AFF3: variants seen among roughly 807,000 people sequenced by gnomAD.
The protein encoded by AFF3 is ALF transcription elongation factor 3, also known as AF4/FMR2 family member 3.
A neutral mutation model predicts 129.7 loss-of-function variants in AFF3; 32 were observed. The ratio of observed to expected loss-of-function variants is 0.25; its 90% CI spans 0.19 to 0.33. The LOEUF (loss-of-function observed/expected upper bound fraction) is 0.33. Ranked by LOEUF, AFF3 falls within the 10% of genes least tolerant of loss-of-function variation. The probability of loss-of-function intolerance (pLI) is 1.00; values close to 1 mark genes in which losing one functional copy is unlikely to be tolerated. For missense variants in AFF3, 1,373 were observed against 1,592.0 expected, an observed-to-expected ratio of 0.86 and a Z score of 2.34; for synonymous variants, 644 against 635.4, an observed-to-expected ratio of 1.01 and a Z score of -0.20.
In AFF3 at chr2:99,547,633, A is replaced by G. The variant is rs1350417200; in HGVS notation, c.*3841T>C. 4.8e-6 allele frequency: 1 copy of G among 208,846 alleles called. No individual in the cohort carries two copies. Among genetic ancestry groups the G allele is most frequent in the East Asian group, 7.3e-5 (1 of 13,660 alleles). The allele number at this position is 208,846 out of a possible 1,614,324, so 12.9% of individuals were successfully genotyped here. ...ATAAATAATGTTGGCTGCACTGATT[A>G]ATTTTATAACAATTACTGCACTTCC... On this transcript the variant is annotated 3_prime_UTR_variant, in exon 25 of 25. Transcript: ENST00000672756.
At chr2:99,650,796 A>ATGCGTGTGTG (rs1553417669) in intron 12 of AFF3, among the ~76,000 whole-genome samples, 87 of 144,832 alleles carry the variant, frequency 6.0e-4, no homozygotes, top group Non-Finnish European at 1.0e-3. Context: ...ACTAAAATTA[A>ATGCGTGTGTG]TGTGTGTGTG....
At chr2:99,745,667 T>C (rs568426353) in intron 9 of AFF3, among the ~76,000 whole-genome samples, 2 of 152,342 alleles carry the variant, frequency 1.3e-5, no homozygotes, top group African/African-American at 2.4e-5. Flanking sequence ...TAAACAACTG[T>C]TGTCAATCTC....
At chr2:99,659,673 T>C (rs1020287246) in intron 12 of AFF3, among the ~76,000 whole-genome samples, 27 of 152,136 alleles carry the variant, frequency 1.8e-4, no homozygotes, top group Non-Finnish European at 3.1e-4. Flanking sequence ...TTGGTGGAAT[T>C]TAATGCAGAA....
intron 4 of AFF3, among the ~76,000 whole-genome samples, chr2:100,074,788 C>A (rs370099464): frequency 6.6e-6 from 1 of 152,124 alleles, no homozygotes; most frequent in Non-Finnish European, 1.5e-5. Flanking sequence ...ATGGACAAAG[C>A]CCCAGCCGAG....
intron 13 of AFF3, among the ~76,000 whole-genome samples, chr2:99,632,594 G>C (rs1193838027): frequency 6.6e-6 from 1 of 152,142 alleles, no homozygotes; most frequent in Non-Finnish European, 1.5e-5. Flanking sequence ...GGCTTCGTTG[G>C]AGAGCAGAAT....
At chr2:99,751,526 A>T (rs2105199672) in intron 9 of AFF3, among the ~76,000 whole-genome samples, 1 of 152,384 alleles carries the variant, frequency 6.6e-6, no homozygotes, top group African/African-American at 2.4e-5. Flanking sequence ...GCACAGGGAA[A>T]ATGAAATGGC....
intron 13 of AFF3, among the ~76,000 whole-genome samples, chr2:99,608,690 T>C (rs1301644779): frequency 6.6e-6 from 1 of 152,180 alleles, no homozygotes; most frequent in African/African-American, 2.4e-5. Flanking sequence ...TTCTCCAGGC[T>C]AGCCTATCTC....
chr2:99,614,056 G>A (rs1681186830), intron 13 of AFF3, among the ~76,000 whole-genome samples: 1 of 152,142 alleles, frequency 6.6e-6, no homozygotes, highest in Non-Finnish European at 1.5e-5. Context: ...CCTTAGAGCT[G>A]TTTTGAGCCG....
intron 4 of AFF3, among the ~76,000 whole-genome samples, chr2:100,076,278 C>T (rs1349411386): frequency 6.6e-6 from 1 of 152,116 alleles, no homozygotes; most frequent in African/African-American, 2.4e-5. Flanking sequence ...TAAAATGTCA[C>T]CCTTGAGATA....
intron 20 of AFF3, among the ~76,000 whole-genome samples, chr2:99,563,338 C>T (rs190361989): frequency 3.9e-3 from 599 of 151,646 alleles, no homozygotes; most frequent in Admixed American, 6.2e-3. Flanking sequence ...CTACAGGTGC[C>T]GGCCACCACG....
chr2:99,739,129 GT>G (rs1680506281), intron 10 of AFF3, among the ~76,000 whole-genome samples: 1 of 151,648 alleles, frequency 6.6e-6, no homozygotes, highest in Non-Finnish European at 1.5e-5. Flanking sequence ...AGGGGTAATG[GT>G]TGAAGGATGG....
intron 18 of AFF3, among the ~76,000 whole-genome samples, chr2:99,577,816 T>A (rs1476513489): frequency 6.6e-6 from 1 of 152,262 alleles, no homozygotes; most frequent in Non-Finnish European, 1.5e-5. Context: ...ATGGAAGTTA[T>A]ACTTGTGTGA....
chr2:99,756,016 G>A (rs1236642056), intron 8 of AFF3, among the ~76,000 whole-genome samples: 1 of 152,192 alleles, frequency 6.6e-6, no homozygotes, highest in Non-Finnish European at 1.5e-5. Flanking sequence ...AGGTAACTGT[G>A]CACAATGGTG....
At chr2:99,993,863 T>A (rs527837066) in intron 7 of AFF3, among the ~76,000 whole-genome samples, 5 of 137,406 alleles carry the variant, frequency 3.6e-5, no homozygotes, top group African/African-American at 1.4e-4. Flanking sequence ...TGGAGTGCAA[T>A]GGTGTGATCT....
chr2:99,921,918 C>T (rs1233295928), intron 7 of AFF3, among the ~76,000 whole-genome samples: 2 of 152,124 alleles, frequency 1.3e-5, no homozygotes, highest in Admixed American at 1.3e-4. Flanking sequence ...AGAAACCCTT[C>T]ACAAATGAAG....
intron 8 of AFF3, among the ~76,000 whole-genome samples, chr2:99,753,469 T>G (rs1325380100): frequency 6.6e-6 from 1 of 152,198 alleles, no homozygotes; most frequent in Admixed American, 6.5e-5. Context: ...CGATCCATTT[T>G]CAGAAAAGTG....
At chr2:99,728,553 C>T (rs892876063) in intron 10 of AFF3, among the ~76,000 whole-genome samples, 2 of 152,144 alleles carry the variant, frequency 1.3e-5, no homozygotes, top group Non-Finnish European at 2.9e-5. Flanking sequence ...CTTTATATGT[C>T]CTTCTCTTTT....
intron 7 of AFF3, among the ~76,000 whole-genome samples, chr2:99,939,655 A>T (rs1331212764): frequency 6.6e-6 from 1 of 152,160 alleles, no homozygotes; most frequent in Non-Finnish European, 1.5e-5. Context: ...AATAGAAACT[A>T]CTAGTTGTCT....
intron 11 of AFF3, among the ~76,000 whole-genome samples, chr2:99,676,997 G>A (rs1036501292): frequency 2.0e-5 from 3 of 152,132 alleles, no homozygotes; most frequent in African/African-American, 4.8e-5. Context: ...GGCTGCACGC[G>A]GTGGCTTGTT....
Sources: allele counts gnomAD v4.1 joint callset (sites outside exome capture counted in the v4.1 genomes callset), GRCh38; gene constraint gnomAD v4.1.1; transcripts MANE v1.5; gene names NCBI Gene and HGNC (gene_info 2026-07-23, HGNC 2026-07-21).